The following LIPH variants were observed in gnomAD, a reference collection of about 807,000 sequenced individuals.
LIPH encodes the protein lipase H, also known as lipase member H.
Under a neutral mutation model 47.6 loss-of-function variants are expected in LIPH, and 32 were observed. That is an observed-to-expected ratio of 0.67 (90% CI 0.51 to 0.90). The LOEUF is 0.90. Ranked by LOEUF, LIPH falls within the 40% of genes least tolerant of loss-of-function variation. The pLI is 0.00. For missense variants in LIPH, 497 were observed against 541.4 expected (o/e 0.92, Z 0.81); for synonymous variants, 190 against 195.6 (o/e 0.97, Z 0.24).
At chr3:185,514,784 T>C (rs1577665044) in intron 7 of LIPH, among the ~76,000 whole-genome samples, 1 of 152,208 alleles carries the variant, frequency 6.6e-6, no homozygotes, top group Non-Finnish European at 1.5e-5. Flanking sequence ...CCAGGTATTG[T>C]GAAGTCTTAG....
At chr3:185,512,129 T>C (rs1229696491) in intron 8 of LIPH, among the ~76,000 whole-genome samples, 2 of 152,214 alleles carry the variant, frequency 1.3e-5, no homozygotes, top group Non-Finnish European at 2.9e-5. Context: ...ACAGGCCTTA[T>C]ATGTAGCAGT....
At chr3:185,535,696 G>A (rs530750405) in intron 1 of LIPH, among the ~76,000 whole-genome samples, 145 of 152,112 alleles carry the variant, frequency 9.5e-4, no homozygotes, top group South Asian at 9.4e-3. Context: ...TCCGCCTCCC[G>A]GGTTCAAGTG....
chr3:185,508,423 A>C lies in LIPH; in HGVS notation c.*367T>G, dbSNP rs1489886042. 3.5e-6 allele frequency: 1 copy of C among 285,640 alleles called. No homozygotes were observed. Among genetic ancestry groups the C allele is most frequent in the Non-Finnish European group, 6.8e-6 (1 of 146,636 alleles). 17.7% of individuals were successfully genotyped at this position (285,640 alleles called of 1,614,324 possible). ...AGAATGCAGAGTTGAGTCCACGGTG[A>C]GGCCTCCAGTCCGTCCTTCCCTTGA... is the stretch of plus-strand genomic sequence containing the variant. On this transcript the variant is annotated 3_prime_UTR_variant, in exon 10 of 10. Transcript: ENST00000296252.
At position 185,533,528 on chromosome 3, in the gene LIPH, C is replaced by A. The variant is rs371947317; in HGVS notation, c.526+43G>T. 16 of 1,336,622 alleles carry A rather than the reference C, an allele frequency of 1.2e-5. No individual in the cohort carries two copies. The Admixed American group carries it at 2.7e-4, about 22-fold the overall frequency. 82.8% of individuals were successfully genotyped at this position (1,336,622 alleles called of 1,614,324 possible). ...CTACATAATACTCCCCCAGTGAACA[C>A]CCTGCCCAGGCTACCAACCCATGCC... On this transcript the variant is annotated intron_variant, in intron 3 of 9. Transcript: ENST00000296252.
chr3:185,511,469 G>C, intron 9 of LIPH, 55 bp downstream of exon 9: 1 of 1,519,398 alleles, frequency 6.6e-7, no homozygotes, highest in Non-Finnish European at 9.1e-7. Context: ...GATTGGACAG[G>C]ATCCAGCAAC....
At chr3:185,538,735 A>G (rs566406854) in intron 1 of LIPH, among the ~76,000 whole-genome samples, 899 of 82,306 alleles carry the variant, frequency 0.011, 19 homozygotes, top group African/African-American at 0.034. Context: ...GTACATATAT[A>G]TACATATATG....
At chr3:185,540,128 T>C (rs1174215510) in intron 1 of LIPH, among the ~76,000 whole-genome samples, 1 of 152,194 alleles carries the variant, frequency 6.6e-6, no homozygotes, top group Non-Finnish European at 1.5e-5. Context: ...GAAGCCTCCC[T>C]CTGCCTATTC....
chr3:185,522,441 A>C (rs1417452999), intron 5 of LIPH, among the ~76,000 whole-genome samples: 2 of 151,502 alleles, frequency 1.3e-5, no homozygotes, highest in African/African-American at 4.9e-5. Flanking sequence ...AAGAAGAGAA[A>C]GGAAGGAAGG....
intron 4 of LIPH, among the ~76,000 whole-genome samples, chr3:185,526,805 A>G (rs958141840): frequency 6.6e-6 from 1 of 151,768 alleles, no homozygotes; most frequent in South Asian, 2.1e-4. Context: ...CTCTGTGTGG[A>G]GAGATTTAAC....
intron 1 of LIPH, among the ~76,000 whole-genome samples, chr3:185,537,703 C>T (rs1025932854): frequency 3.9e-5 from 6 of 152,076 alleles, no homozygotes; most frequent in African/African-American, 7.2e-5. Context: ...TTTCACTTGC[C>T]GCCTATCTGC....
chr3:185,513,363 A>G (rs542615913), intron 8 of LIPH, among the ~76,000 whole-genome samples: 1 of 151,864 alleles, frequency 6.6e-6, no homozygotes, highest in South Asian at 2.1e-4. Flanking sequence ...AAAGATGTAA[A>G]TGTTCAAAAG....
chr3:185,519,836 CAAAAAAAAAAAA>C (rs145391972), intron 5 of LIPH, among the ~76,000 whole-genome samples: 4 of 53,790 alleles, frequency 7.4e-5, no homozygotes, highest in African/African-American at 1.6e-4. Flanking sequence ...CACTCCATCT[CAAAAAAAAAAAA>C]AAAAAAAAAA....
At position 185,511,687 on chromosome 3, in the gene LIPH, T is replaced by C. The variant is rs2148946201; in HGVS notation, c.1105A>G (p.Thr369Ala). 6.2e-7 allele frequency: 1 copy of C among 1,611,762 alleles called. No homozygotes were observed. Among genetic ancestry groups the C allele is most frequent in the African/African-American group, 1.3e-5 (1 of 74,992 alleles). Residue 369 changes from threonine to alanine, a missense_variant, in exon 9 of 10, where the codon ACA becomes GCA. By Grantham distance (58) the Thr-to-Ala change is moderately conservative. Coordinates refer to ENST00000296252, the MANE Select transcript of LIPH (RefSeq NM_139248.3). The stretch of plus-strand genomic sequence containing the variant: ...CTCACTTGGTGATATTTCTGAAATG[T>C]GGTGGGTTCACTGGAAGGAAGAAGT... Reference protein sequence around the residue: ...TESKINHEPTTFQKYHQVSLL... With the variant: ...TESKINHEPTAFQKYHQVSLL...
rs1719989013 is a variant in LIPH at position 185,524,093 on chromosome 3, G to C, written c.696C>G (p.Gly232=). ...FYPNGGLDQP[G]CPKTILGGFQ... ...TACCTCCCAATATTGTTTTGGGGCAGCCAGGTTGATCCAATCCTCCATTTG... is the reference window on the plus strand; with the variant it reads ...TACCTCCCAATATTGTTTTGGGGCACCCAGGTTGATCCAATCCTCCATTTG... The change falls in exon 5 of 10, where the codon GGC becomes GGG. Residue 232 remains glycine (G), a synonymous_variant. Coordinates refer to ENST00000296252, the MANE Select transcript of LIPH (RefSeq NM_139248.3). 1 of 1,613,156 alleles carries C rather than the reference G, an allele frequency of 6.2e-7. No homozygotes were observed. The highest frequency in any genetic ancestry group is 8.5e-7 in the Non-Finnish European group (1 of 1,179,142).
intron 1 of LIPH, among the ~76,000 whole-genome samples, chr3:185,541,709 T>C (rs978741723): frequency 6.6e-6 from 1 of 151,210 alleles, no homozygotes; most frequent in Non-Finnish European, 1.5e-5. Context: ...CCAGCCATAT[T>C]TGTGGATTTC....
intron 1 of LIPH, among the ~76,000 whole-genome samples, chr3:185,551,306 C>T (rs982358269): frequency 2.0e-5 from 3 of 152,088 alleles, no homozygotes; most frequent in Non-Finnish European, 2.9e-5. Flanking sequence ...AATTTATAGG[C>T]CAGAAATCCT....
intron 8 of LIPH, among the ~76,000 whole-genome samples, chr3:185,512,179 T>C (rs1320593789): frequency 6.6e-6 from 1 of 152,188 alleles, no homozygotes; most frequent in African/African-American, 2.4e-5. Context: ...TTCAAAGTTA[T>C]GATCTTTCCG....
At chr3:185,528,813 T>C (rs541472397) in intron 3 of LIPH, among the ~76,000 whole-genome samples, 6 of 151,884 alleles carry the variant, frequency 4.0e-5, no homozygotes, top group Non-Finnish European at 5.9e-5. Context: ...ACGAAGCAGC[T>C]GGAAAAACAG....
chr3:185,547,826 C>CAA lies in LIPH; in HGVS notation c.49+4595_49+4596dup, dbSNP rs548499364. On this transcript the variant is annotated intron_variant, in intron 1 of 9. Coordinates refer to ENST00000296252, the MANE Select transcript of LIPH (RefSeq NM_139248.3). ...GGCAACAAGAGCAAAACTCCATCTCCAAAAAAAAAAAAAAGAAGAAGAAAG... is the reference window on the plus strand; with the variant it reads ...GGCAACAAGAGCAAAACTCCATCTCCAAAAAAAAAAAAAAAAGAAGAAGAAAG... 7.1e-3 allele frequency among the ~76,000 whole-genome samples: 802 copies of CAA among 113,564 alleles called. 4 individuals carry two copies. The highest frequency in any genetic ancestry group is 0.024 in the African/African-American group (739 of 30,488). The allele number at this position is 113,564 out of a possible 152,430, so 74.5% of individuals were successfully genotyped here.
Sources: gnomAD v4.1 joint callset for allele counts (sites outside exome capture counted in the v4.1 genomes callset) on GRCh38, gnomAD v4.1.1 for gene constraint, MANE v1.5 for transcripts, NCBI Gene and HGNC (gene_info 2026-07-23, HGNC 2026-07-21) for gene names.